COL25A1: variants seen among roughly 807,000 people sequenced by gnomAD.
COL25A1 encodes collagen type XXV alpha 1 chain.
In COL25A1, 103 loss-of-function variants were observed where a neutral mutation model predicts 128.4. The observed-to-expected ratio is 0.80, with a 90% CI of 0.68 to 0.94. The LOEUF (loss-of-function observed/expected upper bound fraction) is 0.94. Ranked by LOEUF, COL25A1 falls within the 40% of genes least tolerant of loss-of-function variation. The pLI, the probability that COL25A1 is intolerant of heterozygous loss-of-function variation, is 0.00. For synonymous variants in COL25A1, 279 were observed against 277.2 expected, an observed-to-expected ratio of 1.01 and a Z score of -0.06; for missense variants, 745 against 840.0, an observed-to-expected ratio of 0.89 and a Z score of 1.40.
intron 3 of COL25A1, among the ~76,000 whole-genome samples, chr4:109,126,990 T>C (rs1274951280): frequency 1.3e-5 from 2 of 152,170 alleles, no homozygotes; most frequent in Admixed American, 6.6e-5. Flanking sequence ...CTTATGTTTT[T>C]CATTCAGTGA....
rs146027818 is a variant in COL25A1, at chr4:109,198,497, A to C, written c.367+102086T>G. On this transcript the variant is annotated intron_variant, in intron 3 of 37. Transcript: ENST00000399132. Reference sequence around the variant, plus strand: ...GAGAAAGACTCCTTTTACTCCCTTAAATTTACTGATAACCAGGTAAAACTC... The same window carrying C: ...GAGAAAGACTCCTTTTACTCCCTTACATTTACTGATAACCAGGTAAAACTC... 7.1e-3 allele frequency among the ~76,000 whole-genome samples: 1,076 copies of C among 152,264 alleles called. 15 individuals are homozygous for C. Among genetic ancestry groups the C allele is most frequent in the African/African-American group, 0.024 (989 of 41,548 alleles).
In COL25A1 at chr4:109,223,556, G is replaced by C. The variant is rs557269370; in HGVS notation, c.367+77027C>G. Among the ~76,000 whole-genome samples the C allele has an allele frequency of 3.9e-5, 6 of 152,220 alleles. No individual in the cohort carries two copies. The South Asian group carries it at 1.2e-3, about 32-fold the overall frequency. On this transcript the variant is annotated intron_variant, in intron 3 of 37. Coordinates refer to ENST00000399132, the MANE Select transcript of COL25A1 (RefSeq NM_198721.4). ...ACCAAGTCAGAAAAGAGTTCTGAAA[G>C]AAAGTGAGTGGGGACATCTCCCCCA...
chr4:109,294,253 C>T (rs140359059), intron 3 of COL25A1, among the ~76,000 whole-genome samples: 1 of 152,158 alleles, frequency 6.6e-6, no homozygotes, highest in African/African-American at 2.4e-5. Context: ...CCATCTGGTG[C>T]CATTTCCTCA....
At chr4:109,046,031 G>T (rs1181080070) in intron 5 of COL25A1, among the ~76,000 whole-genome samples, 1 of 152,094 alleles carries the variant, frequency 6.6e-6, no homozygotes, top group Non-Finnish European at 1.5e-5. Context: ...AATTCATAAG[G>T]AATGGAATAA....
chr4:109,099,420 T>C (rs1224564422), intron 3 of COL25A1, among the ~76,000 whole-genome samples: 1 of 152,110 alleles, frequency 6.6e-6, no homozygotes, highest in Non-Finnish European at 1.5e-5. Flanking sequence ...AAAGAAAAGG[T>C]ATAGCAAACC....
chr4:109,212,350 C>A (rs544958011), intron 3 of COL25A1, among the ~76,000 whole-genome samples: 173 of 152,156 alleles, frequency 1.1e-3, no homozygotes, highest in African/African-American at 3.9e-3. Context: ...GTTCAGCTGA[C>A]CTGACAACCA....
chr4:109,254,524 T>C (rs1780954184), intron 3 of COL25A1, among the ~76,000 whole-genome samples: 1 of 142,190 alleles, frequency 7.0e-6, no homozygotes, highest in South Asian at 2.2e-4. Context: ...TGTATATACA[T>C]ATACATATAT....
At chr4:109,030,462 C>T (rs1758730812) in intron 5 of COL25A1, among the ~76,000 whole-genome samples, 1 of 152,126 alleles carries the variant, frequency 6.6e-6, no homozygotes, top group Non-Finnish European at 1.5e-5. Flanking sequence ...GGTGACAGGT[C>T]TAGGAGGAAG....
rs756405262 is a variant in COL25A1, at chr4:109,048,151, G to A, written c.420+17C>T. On this transcript the variant is annotated intron_variant, in intron 5 of 37. Transcript: ENST00000399132. The stretch of plus-strand genomic sequence containing the variant: ...CTGATAAATGCAAACAAGCCAAAGT[G>A]CAGCAAACATACTTACAGGAGGACC... The A allele has an allele frequency of 3.7e-6, 6 of 1,612,370 alleles. No homozygotes were observed. Among genetic ancestry groups the A allele is most frequent in the South Asian group, 1.1e-5 (1 of 91,018 alleles).
intron 11 of COL25A1, among the ~76,000 whole-genome samples, chr4:108,931,603 C>T (rs1312804065): frequency 6.6e-6 from 1 of 152,158 alleles, no homozygotes. Flanking sequence ...GTCAAATGTT[C>T]CTTCCTATCA....
At chr4:109,202,535 C>A (rs1776632893) in intron 3 of COL25A1, among the ~76,000 whole-genome samples, 1 of 152,106 alleles carries the variant, frequency 6.6e-6, no homozygotes, top group African/African-American at 2.4e-5. Context: ...AGGAGAAAAT[C>A]CATGTGATCT....
chr4:108,951,659 T>G (rs1182326142), intron 8 of COL25A1, among the ~76,000 whole-genome samples: 1 of 152,224 alleles, frequency 6.6e-6, no homozygotes, highest in Non-Finnish European at 1.5e-5. Context: ...GCGTTGGGAT[T>G]ACAGGCGTAA....
At chr4:108,896,525 G>A (rs1742171041) in intron 16 of COL25A1, 142 bp downstream of exon 16, 1 of 593,188 alleles carries the variant, frequency 1.7e-6, no homozygotes, top group South Asian at 2.8e-5. Context: ...GTATTTAAAT[G>A]TTTTCTAATC....
intron 3 of COL25A1, among the ~76,000 whole-genome samples, chr4:109,188,899 A>G (rs753037879): frequency 6.6e-6 from 1 of 152,120 alleles, no homozygotes; most frequent in Non-Finnish European, 1.5e-5. Context: ...ATAATGTTAA[A>G]TATGTGAAGA....
chr4:108,890,926 G>A lies in COL25A1; in HGVS notation c.907-1193C>T, dbSNP rs183623651. 3.9e-5 allele frequency among the ~76,000 whole-genome samples: 6 copies of A among 152,266 alleles called. No homozygotes were observed. In the East Asian group the frequency reaches 5.8e-4, roughly 15 times the overall value. On this transcript the variant is annotated intron_variant, in intron 16 of 37. Transcript: ENST00000399132. ...ACCAACCAGCCTAGACACATCAGAC[G>A]CATGCCCCTCATGCACACATCTTAC...
At chr4:108,871,585 G>C (rs1184732864) in intron 19 of COL25A1, among the ~76,000 whole-genome samples, 1 of 152,106 alleles carries the variant, frequency 6.6e-6, no homozygotes, top group Admixed American at 6.5e-5. Context: ...CAAAGTGCTG[G>C]GATTACAGGC....
chr4:109,253,963 T>G lies in COL25A1; in HGVS notation c.367+46620A>C, dbSNP rs1455607148. On this transcript the variant is annotated intron_variant, in intron 3 of 37. Transcript: ENST00000399132. ...TTATCCCGGTGCGGTGGCGGGTGCC[T>G]GTAGTCCCAGCTACTCAGGAGGCTG... is the stretch of plus-strand genomic sequence containing the variant. Among the ~76,000 whole-genome samples, 4 of 151,750 alleles carry G rather than the reference T, an allele frequency of 2.6e-5. No individual in the cohort carries two copies. The East Asian group carries it at 7.8e-4, about 29-fold the overall frequency.
chr4:108,849,800 C>G (rs944503147), intron 26 of COL25A1, among the ~76,000 whole-genome samples: 4 of 152,138 alleles, frequency 2.6e-5, no homozygotes, highest in African/African-American at 7.2e-5. Flanking sequence ...TTTGGTGATA[C>G]TATAAACCAC....
intron 13 of COL25A1, among the ~76,000 whole-genome samples, chr4:108,906,705 T>C (rs1431599535): frequency 6.6e-6 from 1 of 152,250 alleles, no homozygotes; most frequent in East Asian, 1.9e-4. Context: ...GCATCTTATA[T>C]TTTATCTGAC....
Sources: gnomAD v4.1 joint callset for allele counts (sites outside exome capture counted in the v4.1 genomes callset) on GRCh38, gnomAD v4.1.1 for gene constraint, MANE v1.5 for transcripts, NCBI Gene and HGNC (gene_info 2026-07-23, HGNC 2026-07-21) for gene names.